The following NAV3 variants were observed in gnomAD, a reference collection of about 807,000 sequenced individuals.
NAV3 encodes neuron navigator 3.
In NAV3, 87 loss-of-function variants were observed where a neutral mutation model predicts 244.7. The ratio of observed to expected loss-of-function variants is 0.36; its 90% CI spans 0.30 to 0.42. NAV3 has a LOEUF of 0.42. Among genes scored for constraint, NAV3 ranks in the 20% least tolerant of loss-of-function variants. The pLI is 1.00. For synonymous variants in NAV3, 1,126 were observed against 1,042.2 expected, an observed-to-expected ratio of 1.08 and a Z score of -1.55; for missense variants, 2,663 against 2,893.3, an observed-to-expected ratio of 0.92 and a Z score of 1.83.
chr12:78,170,399 T>C (rs774755381), intron 24 of NAV3, among the ~76,000 whole-genome samples: 5 of 151,668 alleles, frequency 3.3e-5, no homozygotes, highest in Admixed American at 2.6e-4. Flanking sequence ...CTGATTTTAC[T>C]CTTGCCATCC....
chr12:77,593,182 A>C (rs1274963886), intron 2 of NAV3, among the ~76,000 whole-genome samples: 1 of 152,158 alleles, frequency 6.6e-6, no homozygotes, highest in African/African-American at 2.4e-5. Context: ...ATAGTTTAAA[A>C]AATAATGAAT....
intron 11 of NAV3, among the ~76,000 whole-genome samples, chr12:78,056,757 T>C (rs967519936): frequency 2.0e-5 from 3 of 152,096 alleles, no homozygotes; most frequent in East Asian, 1.9e-4. Flanking sequence ...CTACGAGTCA[T>C]GAAAAAGTTG....
chr12:77,852,209 G>T (rs928926286), intron 1 of NAV3, among the ~76,000 whole-genome samples: 16 of 152,322 alleles, frequency 1.1e-4, no homozygotes, highest in Admixed American at 4.6e-4. Flanking sequence ...ATGGATAACT[G>T]ATTTTCAAAA....
intron 24 of NAV3, among the ~76,000 whole-genome samples, chr12:78,172,848 C>G (rs1199309190): frequency 6.6e-6 from 1 of 151,484 alleles, no homozygotes; most frequent in African/African-American, 2.4e-5. Context: ...TTTATCTATT[C>G]TTATTAAAGT....
Position 78,050,844 on chromosome 12 carries a change from C to G in NAV3, c.2213C>G (p.Thr738Ser), listed in dbSNP as rs1333511422. 2 of 1,614,046 alleles carry G rather than the reference C, an allele frequency of 1.2e-6. No individual in the cohort carries two copies. Among genetic ancestry groups the G allele is most frequent in the Non-Finnish European group, 1.7e-6 (2 of 1,179,968 alleles). Residue 738 changes from threonine to serine, a missense_variant, in exon 11 of 40, where the codon ACC (threonine) becomes AGC (serine). Around this residue, in one of 6 missense-constraint regions of NAV3, gnomAD observed 1,521 missense variants for 1,497.0 expected, o/e 1.02. Coordinates refer to ENST00000397909, the MANE Select transcript of NAV3 (RefSeq NM_001024383.2). ...ATACCCAACTTGACAAGTCGACCCA[C>G]CCCCATGACCTGGAGGTTGGGCCAG... is the stretch of plus-strand genomic sequence containing the variant. Reference protein sequence around the residue: ...RTIPNLTSRPTPMTWRLGQAC... With the variant: ...RTIPNLTSRPSPMTWRLGQAC...
At chr12:77,808,875 G>A (rs566210141) in intron 2 of NAV3, among the ~76,000 whole-genome samples, 2 of 152,304 alleles carry the variant, frequency 1.3e-5, no homozygotes, top group African/African-American at 4.8e-5. Flanking sequence ...TGCCGTCTCA[G>A]AGAGGAGGAA....
chr12:77,979,693 T>TG (rs1347348398), intron 5 of NAV3, among the ~76,000 whole-genome samples: 1 of 117,860 alleles, frequency 8.5e-6, no homozygotes, highest in Non-Finnish European at 1.7e-5. Flanking sequence ...TCATAAGATG[T>TG]GAAACGAAAA....
chr12:77,689,561 G>C (rs906715404), intron 2 of NAV3, among the ~76,000 whole-genome samples: 3 of 151,800 alleles, frequency 2.0e-5, no homozygotes, highest in African/African-American at 7.2e-5. Context: ...GCAGATGGTG[G>C]TTACCTTAGC....
At chr12:77,967,833 G>A (rs558420186) in intron 4 of NAV3, among the ~76,000 whole-genome samples, 6 of 152,078 alleles carry the variant, frequency 3.9e-5, no homozygotes, top group African/African-American at 1.4e-4. Flanking sequence ...TCTGACGTAA[G>A]CTAATCCTCC....
chr12:78,065,391 A>C (rs931334763), intron 12 of NAV3, among the ~76,000 whole-genome samples: 8 of 152,176 alleles, frequency 5.3e-5, no homozygotes, highest in Non-Finnish European at 1.2e-4. Flanking sequence ...GTGACTCTGC[A>C]CTGTGCAAGC....
intron 12 of NAV3, among the ~76,000 whole-genome samples, chr12:78,075,609 T>C (rs184719935): frequency 2.6e-5 from 4 of 152,216 alleles, no homozygotes; most frequent in Admixed American, 2.6e-4. Context: ...TTCTAAAGGG[T>C]TTTTAAAATT....
In NAV3 at chr12:78,119,951, G is replaced by C. The variant is rs2138642271; in HGVS notation, c.3749+6G>C. The stretch of plus-strand genomic sequence containing the variant: ...GCCTCACCCACATTTCGAAGGTAAG[G>C]ATGTATAAAATGATGCTGGAAAAAT... On this transcript the variant is annotated splice_donor_region_variant and intron_variant, in intron 15 of 39. Transcript: ENST00000397909. The C allele has an allele frequency of 6.2e-7, 1 of 1,600,952 alleles. No individual in the cohort carries two copies. Among genetic ancestry groups the C allele is most frequent in the East Asian group, 2.2e-5 (1 of 44,684 alleles).
chr12:77,874,936 G>C (rs980453540), intron 1 of NAV3, among the ~76,000 whole-genome samples: 1 of 152,004 alleles, frequency 6.6e-6, no homozygotes, highest in Non-Finnish European at 1.5e-5. Flanking sequence ...GTATACATTA[G>C]AGGAAATGAA....
intron 23 of NAV3, among the ~76,000 whole-genome samples, chr12:78,168,290 G>C (rs1957862953): frequency 6.6e-6 from 1 of 151,640 alleles, no homozygotes; most frequent in African/African-American, 2.4e-5. Flanking sequence ...AATTTTGCAG[G>C]CACAAAATAC....
chr12:77,907,188 T>G (rs879404492), intron 1 of NAV3, among the ~76,000 whole-genome samples: 5 of 152,126 alleles, frequency 3.3e-5, no homozygotes, highest in Admixed American at 3.3e-4. Flanking sequence ...CATAATGGAG[T>G]TCCAGGGTGG....
At chr12:78,105,107 T>C (rs954017280) in intron 12 of NAV3, among the ~76,000 whole-genome samples, 16 of 152,126 alleles carry the variant, frequency 1.1e-4, no homozygotes, top group African/African-American at 3.4e-4. Context: ...CCAATATACA[T>C]TTATGACAGT....
intron 2 of NAV3, among the ~76,000 whole-genome samples, chr12:77,675,883 C>T (rs796563691): frequency 2.0e-5 from 3 of 152,212 alleles, no homozygotes; most frequent in African/African-American, 7.2e-5. Flanking sequence ...GACACATGGC[C>T]TTCTGTCCTG....
rs1193635630 is a variant in NAV3 at position 78,021,731 on chromosome 12, T to C, written c.1908-16T>C. 1.3e-6 allele frequency: 2 copies of C among 1,571,840 alleles called. No individual in the cohort carries two copies. The highest frequency in any genetic ancestry group is 1.7e-6 in the Non-Finnish European group (2 of 1,143,944). On this transcript the variant is annotated splice_polypyrimidine_tract_variant and intron_variant, in intron 8 of 39. Coordinates refer to ENST00000397909, the MANE Select transcript of NAV3 (RefSeq NM_001024383.2). The stretch of plus-strand genomic sequence containing the variant: ...CTATAACTGCTATTTCTTTCTATTT[T>C]CATGGTTAATTTCAGGGCACATTCA...
chr12:77,706,766 G>A (rs1305894755), intron 2 of NAV3, among the ~76,000 whole-genome samples: 1 of 149,848 alleles, frequency 6.7e-6, no homozygotes, highest in Admixed American at 6.6e-5. Flanking sequence ...AGCTACTCGG[G>A]AGGCTGAGGC....
Sources: allele counts gnomAD v4.1 joint callset (sites outside exome capture counted in the v4.1 genomes callset), GRCh38; gene constraint gnomAD v4.1.1; regional missense constraint gnomAD v4.1.1; transcripts MANE v1.5; gene names NCBI Gene and HGNC (gene_info 2026-07-23, HGNC 2026-07-21).